Variants in TNS3 observed in about 807,000 individuals in gnomAD.
The protein encoded by TNS3 is tensin-3.
TNS3 carries 45 observed loss-of-function variants against 140.9 expected under a neutral mutation model. The observed-to-expected ratio is 0.32, with a 90% confidence interval of 0.25 to 0.41. The LOEUF (loss-of-function observed/expected upper bound fraction) is 0.41, where lower values mean the gene tolerates loss of function less well. TNS3 is among the 10% of genes least tolerant of loss of function. The pLI, the probability that TNS3 is intolerant of heterozygous loss-of-function variation, is 1.00. For missense variants in TNS3, 1,716 were observed against 1,906.7 expected, an observed-to-expected ratio of 0.90 and a Z score of 1.86; for synonymous variants, 815 against 788.4, an observed-to-expected ratio of 1.03 and a Z score of -0.56.
chr7:47,514,201 C>T (rs73695372), intron 2 of TNS3, among the ~76,000 whole-genome samples: 149 of 152,346 alleles, frequency 9.8e-4, no homozygotes, highest in African/African-American at 3.4e-3. Flanking sequence ...TAACCCACAG[C>T]GGGGGACCGC....
intron 1 of TNS3, among the ~76,000 whole-genome samples, chr7:47,558,627 G>C (rs2151994748): frequency 6.6e-6 from 1 of 152,222 alleles, no homozygotes; most frequent in South Asian, 2.1e-4. Flanking sequence ...TTCGTCGATG[G>C]AAAAACTGGG....
chr7:47,582,413 C>G (rs757773418), upstream of TNS3: 49 of 456,382 alleles, frequency 1.1e-4, no homozygotes, highest in Non-Finnish European at 2.0e-4. Flanking sequence ...TCCGCCGGGC[C>G]GGTGTTAGAG....
At chr7:47,404,177 G>A (rs560867765) in intron 13 of TNS3, among the ~76,000 whole-genome samples, 34 of 152,312 alleles carry the variant, frequency 2.2e-4, no homozygotes, top group African/African-American at 3.8e-4. Flanking sequence ...CAAAGGCTGC[G>A]CACAGCCTGT....
At chr7:47,486,476 A>G (rs558245299) in intron 3 of TNS3, among the ~76,000 whole-genome samples, 1 of 152,286 alleles carries the variant, frequency 6.6e-6, no homozygotes, top group South Asian at 2.1e-4. Context: ...CCCAAGGTGA[A>G]TGAAAGCACT....
At chr7:47,374,400 G>A (rs1468713297) in intron 16 of TNS3, among the ~76,000 whole-genome samples, 1 of 152,146 alleles carries the variant, frequency 6.6e-6, no homozygotes, top group Non-Finnish European at 1.5e-5. Context: ...CAAGTGGCAG[G>A]GCTGGGTAAA....
intron 1 of TNS3, chr7:47,579,668 A>T: frequency 5.4e-6 from 1 of 185,162 alleles, no homozygotes; most frequent in Non-Finnish European, 1.0e-5. Context: ...GATCTTAAGA[A>T]AGGAATGGGG....
intron 20 of TNS3, among the ~76,000 whole-genome samples, chr7:47,327,625 A>C (rs1455551332): frequency 6.6e-6 from 1 of 152,242 alleles, no homozygotes; most frequent in African/African-American, 2.4e-5. Flanking sequence ...GGCTTTTGTT[A>C]GCCCTGAGTG....
In TNS3 at chr7:47,474,346, C is replaced by G. The variant is rs1797085657; in HGVS notation, c.-76+6757G>C. On this transcript the variant is annotated intron_variant, in intron 4 of 30. Transcript: ENST00000311160. The stretch of plus-strand genomic sequence containing the variant: ...AACCCACACAACACACACAAAACAC[C>G]TCACAACACACACAAAACACTTCAC... Among the ~76,000 whole-genome samples, 3 of 147,728 alleles carry G rather than the reference C, an allele frequency of 2.0e-5. No individual in the cohort carries two copies. The South Asian group carries it at 6.6e-4, about 32-fold the overall frequency.
At chr7:47,370,225 G>A (rs574840805) in intron 16 of TNS3, among the ~76,000 whole-genome samples, 1 of 152,128 alleles carries the variant, frequency 6.6e-6, no homozygotes, top group African/African-American at 2.4e-5. Flanking sequence ...GCAGTGAGCC[G>A]AGATCATGCC....
At chr7:47,389,057 GAAGAA>G (rs1792289981) in intron 16 of TNS3, among the ~76,000 whole-genome samples, 1 of 69,710 alleles carries the variant, frequency 1.4e-5, no homozygotes, top group African/African-American at 6.8e-5. Context: ...AGAAGAAGAA[GAAGAA>G]GAAGAAGAAG....
At chr7:47,522,883 G>C (rs950155436) in intron 2 of TNS3, among the ~76,000 whole-genome samples, 1 of 145,558 alleles carries the variant, frequency 6.9e-6, no homozygotes, top group Non-Finnish European at 1.5e-5. Flanking sequence ...AGCTGAGATC[G>C]CGCCAATGCA....
At chr7:47,494,853 G>T (rs1337497457) in intron 3 of TNS3, among the ~76,000 whole-genome samples, 1 of 152,260 alleles carries the variant, frequency 6.6e-6, no homozygotes, top group Middle Eastern at 3.4e-3. Context: ...CAAAAGGGGG[G>T]AAGGGGAAAC....
chr7:47,424,251 G>C, intron 9 of TNS3, 67 bp from the exon 10 acceptor site: 1 of 1,528,622 alleles, frequency 6.5e-7, no homozygotes, highest in South Asian at 1.1e-5. Flanking sequence ...TACTTGACGG[G>C]GGATGTGTCT....
chr7:47,331,903 C>T (rs755641808), intron 20 of TNS3, among the ~76,000 whole-genome samples: 2 of 152,222 alleles, frequency 1.3e-5, no homozygotes, highest in African/African-American at 2.4e-5. Flanking sequence ...CTGGCCAATG[C>T]CTATCTGTTG....
chr7:47,369,067 T>G lies in TNS3; in HGVS notation c.1579A>C (p.Ser527Arg), dbSNP rs747432103. The stretch of plus-strand genomic sequence containing the variant: ...CCCTGCGGATCTTCACCAACGTTGC[T>G]GCCAAAACCGTCAGATAGGAGTGAG... ...QNSLLSDGFG[S>R]NVGEDPQGTL... The change falls in exon 17 of 31, where the codon AGC (serine) becomes CGC (arginine). Residue 527 changes from serine (S) to arginine (R), a missense_variant. Transcript: ENST00000311160. 6.8e-6 allele frequency: 11 copies of G among 1,614,066 alleles called. No individual in the cohort carries two copies. The highest frequency in any genetic ancestry group is 9.3e-6 in the Non-Finnish European group (11 of 1,180,020).
At chr7:47,523,102 C>T (rs548481391) in intron 2 of TNS3, among the ~76,000 whole-genome samples, 1 of 152,210 alleles carries the variant, frequency 6.6e-6, no homozygotes, top group African/African-American at 2.4e-5. Context: ...GGTCAAGGCA[C>T]CACAGATGTG....
At chr7:47,286,020 G>A (rs1264003779) in intron 27 of TNS3, among the ~76,000 whole-genome samples, 2 of 152,200 alleles carry the variant, frequency 1.3e-5, no homozygotes, top group Non-Finnish European at 2.9e-5. Context: ...AGGGAGCCTG[G>A]AGAATTCAAA....
chr7:47,418,346 A>T (rs919088497), intron 10 of TNS3, among the ~76,000 whole-genome samples: 9 of 152,176 alleles, frequency 5.9e-5, no homozygotes, highest in Non-Finnish European at 1.0e-4. Flanking sequence ...ATAGGACAGA[A>T]TTGCACAATT....
intron 20 of TNS3, among the ~76,000 whole-genome samples, chr7:47,316,117 TCTCTCTCTC>T (rs1787390714): frequency 1.4e-5 from 2 of 147,280 alleles, no homozygotes; most frequent in African/African-American, 2.6e-5. Context: ...TCTCTCTCTC[TCTCTCTCTC>T]TCTCTCTCTC....
Sources: allele counts gnomAD v4.1 joint callset (sites outside exome capture counted in the v4.1 genomes callset), GRCh38; gene constraint gnomAD v4.1.1; transcripts MANE v1.5; gene names NCBI Gene and HGNC (gene_info 2026-07-23, HGNC 2026-07-21).